Variants in NOL8 observed in about 807,000 individuals in gnomAD.
The protein encoded by NOL8 is nucleolar protein 8.
In NOL8, 93 loss-of-function variants were observed where a neutral mutation model predicts 116.1. The ratio of observed to expected loss-of-function variants is 0.80; its 90% CI spans 0.68 to 0.95. NOL8 has a LOEUF of 0.95. NOL8 is among the 40% of genes least tolerant of loss of function. The probability of loss-of-function intolerance (pLI) is 0.00; values close to 1 mark genes in which losing one functional copy is unlikely to be tolerated. For missense variants in NOL8, 1,291 were observed against 1,382.8 expected (o/e 0.93, Z 1.05); for synonymous variants, 419 against 469.0 (o/e 0.89, Z 1.38).
At chr9:92,310,131 C>G in intron 10 of NOL8, 40 bp downstream of exon 10, 1 of 1,426,236 alleles carries the variant, frequency 7.0e-7, no homozygotes, top group Non-Finnish European at 9.7e-7. Context: ...CTCAGTGTCC[C>G]CAGATATGAC....
In NOL8 at chr9:92,314,950, G is replaced by T; in HGVS notation, c.1675C>A (p.Gln559Lys). 6.2e-7 allele frequency: 1 copy of T among 1,613,910 alleles called. No homozygotes were observed. The highest frequency in any genetic ancestry group is 1.6e-4 in the Middle Eastern group (1 of 6,062). The change falls in exon 7 of 17, where the codon CAG becomes AAG. Residue 559 changes from glutamine to lysine, a missense_variant. Coordinates refer to ENST00000442668, the MANE Select transcript of NOL8 (RefSeq NM_017948.6). ...LEGEENTCGKQKPKENNLKPK... is the reference protein window; with the variant it reads ...LEGEENTCGKKKPKENNLKPK... ...TTTAAATTGTTTTCCTTTGGTTTCT[G>T]TTTGCCACAGGTGTTCTCCTCTCCT...
chr9:92,316,801 T>A (rs1839452845), intron 6 of NOL8, among the ~76,000 whole-genome samples: 1 of 151,874 alleles, frequency 6.6e-6, no homozygotes, highest in African/African-American at 2.4e-5. Flanking sequence ...AAAATAAAAA[T>A]TAAAAATTAA....
chr9:92,310,590 T>A lies in NOL8; in HGVS notation c.2558A>T (p.Lys853Ile). The change falls in exon 9 of 17, where the codon AAA becomes ATA. Residue 853 changes from lysine (K) to isoleucine (I), a missense_variant. Physicochemically the swap from Lys to Ile is moderately radical, Grantham distance 102. Coordinates refer to ENST00000442668, the MANE Select transcript of NOL8 (RefSeq NM_017948.6). ...TCTGCCCTCAAACTGAGGTTTAATT[T>A]TGAACCTATTACTGTCATCTTCAGA... ...SDSEDDSNRF[K>I]IKPQFEGRAG... is the part of the protein sequence containing the mutation. 6.2e-7 allele frequency: 1 copy of A among 1,612,602 alleles called. No homozygotes were observed. The highest frequency in any genetic ancestry group is 8.5e-7 in the Non-Finnish European group (1 of 1,179,400).
intron 6 of NOL8, among the ~76,000 whole-genome samples, chr9:92,316,961 CTT>C (rs1839468325): frequency 6.6e-6 from 1 of 152,060 alleles, no homozygotes; most frequent in African/African-American, 2.4e-5. Context: ...AGCTATCACT[CTT>C]TTTTGTTTTG....
At position 92,315,841 on chromosome 9, in the gene NOL8, T is replaced by G. The variant is rs547850189; in HGVS notation, c.784A>C (p.Ile262Leu). 68 of 1,613,982 alleles carry G rather than the reference T, an allele frequency of 4.2e-5. 1 individual carries two copies. In the South Asian group the frequency reaches 6.6e-4, roughly 16 times the overall value. ...ACAGGAGATGATTTAGAAGGAGTAATGGAATCACAAGTTCTTTTTTGTGCA... is the reference window on the plus strand; with the variant it reads ...ACAGGAGATGATTTAGAAGGAGTAAGGGAATCACAAGTTCTTTTTTGTGCA... Reference protein sequence around the residue: ...QAAQKRTCDSITPSKSSPVPV... With the variant: ...QAAQKRTCDSLTPSKSSPVPV... Residue 262 changes from isoleucine to leucine, a missense_variant, in exon 7 of 17, where the codon ATT becomes CTT. Physicochemically the swap from Ile to Leu is conservative, Grantham distance 5. Transcript: ENST00000442668.
rs748849496 is a variant in NOL8, at chr9:92,305,784, C to T, written c.2872G>A (p.Glu958Lys). The T allele has an allele frequency of 1.9e-6, 3 of 1,612,152 alleles. No individual in the cohort carries two copies. Among genetic ancestry groups the T allele is most frequent in the Non-Finnish European group, 1.7e-6 (2 of 1,178,616 alleles). Residue 958 changes from glutamate (E) to lysine (K), a missense_variant, in exon 12 of 17, where the codon GAA (glutamate) becomes AAA (lysine). Coordinates refer to ENST00000442668, the MANE Select transcript of NOL8 (RefSeq NM_017948.6). The part of the protein sequence containing the change: ...DPTKQDHATY[E>K]RKRDDKPKES... ...TTTGGCTTATCATCTCTTTTTCTTT[C>T]GTAAGTGGCATGGTCTTGCTTCGTT...
rs1837351618 is a variant in NOL8, at chr9:92,297,659, G to C, written c.*177C>G. The C allele has an allele frequency of 1.8e-6, 1 of 565,808 alleles. No individual in the cohort carries two copies. The highest frequency in any genetic ancestry group is 3.1e-6 in the Non-Finnish European group (1 of 317,874). The allele number at this position is 565,808 out of a possible 1,614,324, so 35.0% of individuals were successfully genotyped here. On this transcript the variant is annotated 3_prime_UTR_variant, in exon 17 of 17. Coordinates refer to ENST00000442668, the MANE Select transcript of NOL8 (RefSeq NM_017948.6). ...TTTAATTTTTGAAGTAATTACTTAG[G>C]AAGAAATGCAGAGGAGTTCCACAGA...
intron 11 of NOL8, 104 bp from the exon 12 acceptor site, chr9:92,305,934 CA>C: frequency 1.4e-6 from 1 of 734,414 alleles, no homozygotes. Context: ...TCTAATTTTG[CA>C]GCAAGAAGAA....
Position 92,316,089 on chromosome 9 carries a change from C to T in NOL8, c.536G>A (p.Gly179Glu), listed in dbSNP as rs746947359. ...SKYCHNLKKI[G>E]EDFSNTIPIS... ...AGGAATGGTGTTTGAGAAATCCTCC[C>T]CTATCTTCTTCAGGTTGTGGCAGTA... The change falls in exon 7 of 17, where the codon GGG (glycine) becomes GAG (glutamate). Residue 179 changes from glycine to glutamate, a missense_variant. By Grantham distance (98) the Gly-to-Glu change is moderately conservative. Coordinates refer to ENST00000442668, the MANE Select transcript of NOL8 (RefSeq NM_017948.6). The T allele has an allele frequency of 6.2e-6, 10 of 1,613,804 alleles. No homozygotes were observed. Among genetic ancestry groups the T allele is most frequent in the South Asian group, 3.3e-5 (3 of 91,084 alleles).
rs536795742 is a variant in NOL8 at position 92,299,766 on chromosome 9, A to AAAT, written c.3302+121_3302+123dup. On this transcript the variant is annotated intron_variant, in intron 14 of 16. Coordinates refer to ENST00000442668, the MANE Select transcript of NOL8 (RefSeq NM_017948.6). ...CACTCCGTCTCAAAAAAAAAAAATA[A>AAAT]AATAAAAAAAGAAGCTAAGACAATT... 2.1e-3 allele frequency: 2,262 copies of AAAT among 1,080,720 alleles called. 2 individuals are homozygous for AAAT. The highest frequency in any genetic ancestry group is 2.3e-3 in the Non-Finnish European group (1,739 of 763,032). 66.9% of individuals were successfully genotyped at this position (1,080,720 alleles called of 1,614,324 possible). A position where few individuals can be genotyped will look rare whatever the true frequency, so the allele number is the denominator to read the frequency against.
intron 5 of NOL8, chr9:92,318,975 T>C: frequency 1.9e-6 from 1 of 516,250 alleles, no homozygotes; most frequent in Non-Finnish European, 3.3e-6. Context: ...TATTCCTTGC[T>C]ACCTATGTCC....
At chr9:92,317,160 A>C (rs752840930) in intron 6 of NOL8, among the ~76,000 whole-genome samples, 33 of 152,122 alleles carry the variant, frequency 2.2e-4, no homozygotes, top group Non-Finnish European at 4.6e-4. Context: ...TTACAGTCTC[A>C]CTATGTTGCC....
intron 14 of NOL8, 26 bp downstream of exon 14, chr9:92,299,864 T>C: frequency 1.9e-6 from 3 of 1,609,044 alleles, no homozygotes; most frequent in South Asian, 1.1e-5. Flanking sequence ...TTATGAACTA[T>C]GCCTGCAAAG....
intron 12 of NOL8, among the ~76,000 whole-genome samples, chr9:92,302,483 A>G (rs1837838936): frequency 6.6e-6 from 1 of 152,232 alleles, no homozygotes; most frequent in African/African-American, 2.4e-5. Context: ...TGAACAGGAT[A>G]TCCTAAATAA....
At chr9:92,316,856 G>A (rs1049894397) in intron 6 of NOL8, among the ~76,000 whole-genome samples, 2 of 152,114 alleles carry the variant, frequency 1.3e-5, no homozygotes, top group Non-Finnish European at 2.9e-5. Context: ...GACACTATCC[G>A]GGAAAGATTC....
rs879404138 is a variant in NOL8 at position 92,298,478 on chromosome 9, T to C, written c.3374-142A>G. 9.4e-5 allele frequency: 53 copies of C among 566,756 alleles called. 1 individual carries two copies. In the Admixed American group the frequency reaches 1.8e-3, roughly 19 times the overall value. The allele number at this position is 566,756 out of a possible 1,614,324, so 35.1% of individuals were successfully genotyped here. On this transcript the variant is annotated intron_variant, in intron 15 of 16. Coordinates refer to ENST00000442668, the MANE Select transcript of NOL8 (RefSeq NM_017948.6). The stretch of plus-strand genomic sequence containing the variant: ...GTTTCTACCTATTTTCAAAAATTAG[T>C]ATTTTTTCTTTCCAAATGAAAAATA...
chr9:92,321,938 AAG>A (rs1284483539), intron 3 of NOL8, among the ~76,000 whole-genome samples, 192 bp from the exon 4 acceptor site: 1 of 152,232 alleles, frequency 6.6e-6, no homozygotes, highest in Non-Finnish European at 1.5e-5. Flanking sequence ...AACTTACCAA[AAG>A]AGTCTTTACA....
At chr9:92,303,508 T>C (rs148257540) in intron 12 of NOL8, among the ~76,000 whole-genome samples, 9 of 152,280 alleles carry the variant, frequency 5.9e-5, no homozygotes, top group Non-Finnish European at 1.0e-4. Context: ...AAAGGTAGAG[T>C]GGAGTCATCA....
At chr9:92,325,071 G>C (rs1840345781) in intron 1 of NOL8, 1 of 152,134 alleles carries the variant, frequency 6.6e-6, no homozygotes, top group African/African-American at 2.4e-5. Context: ...CCCGGCAGGC[G>C]CTCAGCTCTC....
Sources: allele counts gnomAD v4.1 joint callset (sites outside exome capture counted in the v4.1 genomes callset), GRCh38; gene constraint gnomAD v4.1.1; transcripts MANE v1.5; gene names NCBI Gene and HGNC (gene_info 2026-07-23, HGNC 2026-07-21).